Variants in DNAH6 observed in about 807,000 individuals in gnomAD.
DNAH6 encodes the protein dynein axonemal heavy chain 6.
In DNAH6, 340 loss-of-function variants were observed where a neutral mutation model predicts 491.4. The ratio of observed to expected loss-of-function variants is 0.69; its 90% CI spans 0.63 to 0.76. The LOEUF is 0.76. DNAH6 is among the 30% of genes least tolerant of loss of function. DNAH6 has a pLI of 0.00. For synonymous variants in DNAH6, 1,603 were observed against 1,686.1 expected (o/e 0.95, Z 1.21); for missense variants, 4,443 against 4,972.2 (o/e 0.89, Z 3.20).
At chr2:84,552,854 TTTTTA>T (rs1420033134) in intron 9 of DNAH6, 59 bp from the exon 10 acceptor site, 1 of 919,626 alleles carries the variant, frequency 1.1e-6, no homozygotes, top group Admixed American at 2.7e-5. Flanking sequence ...GTCCCTTGTT[TTTTTA>T]TTTTGTTTTA....
intron 54 of DNAH6, 128 bp from the exon 55 acceptor site, chr2:84,709,215 A>G: frequency 1.1e-6 from 1 of 897,146 alleles, no homozygotes; most frequent in Non-Finnish European, 1.7e-6. Context: ...TGATGCAAGC[A>G]CATCTGTGGA....
intron 11 of DNAH6, among the ~76,000 whole-genome samples, chr2:84,571,917 CAAAAAGAAA>C (rs767939511): frequency 1.7e-4 from 25 of 148,746 alleles, no homozygotes; most frequent in South Asian, 2.1e-4. Context: ...GACTCTGTCT[CAAAAAGAAA>C]AAAAAGAAAA....
At chr2:84,488,669 G>A in the DNAH6 span, among the ~76,000 whole-genome samples, 1 of 151,936 alleles carries the variant, frequency 6.6e-6, no homozygotes, top group African/African-American at 2.4e-5. Flanking sequence ...ATTACATTGG[G>A]CCCGCCTGAA....
rs1220264092 is a variant in DNAH6 at position 84,547,585 on chromosome 2, G to A, written c.1159G>A (p.Asp387Asn). The change falls in exon 7 of 77, where the codon GAT (aspartate) becomes AAT (asparagine). Residue 387 changes from aspartate to asparagine, a missense_variant. This residue lies in a region of DNAH6 where 2,977 missense variants were observed against 3,296.6 expected (regional missense o/e 0.90). Transcript: ENST00000389394. Reference protein sequence around the residue: ...FALRAAGFVPDDCAFGPFEDY... With the variant: ...FALRAAGFVPNDCAFGPFEDY... ...TTTGCGTGCTGCAGGATTTGTTCCT[G>A]ATGACTGTGCATTTGGACCTTTTGA... The A allele has an allele frequency of 1.1e-5, 17 of 1,551,904 alleles. No individual in the cohort carries two copies. Among genetic ancestry groups the A allele is most frequent in the Non-Finnish European group, 1.5e-5 (17 of 1,146,984 alleles).
At chr2:84,743,001 T>A (rs1232588028) in intron 62 of DNAH6, among the ~76,000 whole-genome samples, 1 of 152,090 alleles carries the variant, frequency 6.6e-6, no homozygotes, top group Non-Finnish European at 1.5e-5. Flanking sequence ...TAGTCTTTTG[T>A]CCCCCACTAG....
intron 40 of DNAH6, among the ~76,000 whole-genome samples, chr2:84,673,112 C>T (rs1382828857): frequency 6.6e-6 from 1 of 152,082 alleles, no homozygotes; most frequent in East Asian, 1.9e-4. Flanking sequence ...TGGGAGAAGC[C>T]TCCCAGAAGT....
At position 84,604,565 on chromosome 2, in the gene DNAH6, A is replaced by G. The variant is rs1036730592; in HGVS notation, c.3081+14A>G. ...ATTCTTAAAAAGGTAAATCTGGAATATATATTTATCTATATACCATTAGGG... is the reference window on the plus strand; with the variant it reads ...ATTCTTAAAAAGGTAAATCTGGAATGTATATTTATCTATATACCATTAGGG... On this transcript the variant is annotated intron_variant, in intron 19 of 76. Transcript: ENST00000389394. 1.2e-5 allele frequency: 19 copies of G among 1,539,426 alleles called. No homozygotes were observed. Among genetic ancestry groups the G allele is most frequent in the Non-Finnish European group, 1.5e-5 (17 of 1,136,712 alleles).
chr2:84,510,688 T>C, the DNAH6 span, among the ~76,000 whole-genome samples: 1 of 151,744 alleles, frequency 6.6e-6, no homozygotes, highest in Middle Eastern at 3.4e-3. Flanking sequence ...CTCTGTTTTT[T>C]CCCCATCTTT....
Position 84,699,744 on chromosome 2 carries a change from ATCC to A in DNAH6, c.7818+11_7818+13del. 14 of 1,548,848 alleles carry A rather than the reference ATCC, an allele frequency of 9.0e-6. No homozygotes were observed. Among genetic ancestry groups the A allele is most frequent in the Non-Finnish European group, 1.2e-5 (14 of 1,145,644 alleles). ...TGACTGGTTTGTGCAGGTTGGTGAC[ATCC>A]CAGGATATCTCTTTGAGAAGTTGGA... is the stretch of plus-strand genomic sequence containing the variant. On this transcript the variant is annotated intron_variant, in intron 48 of 76. Coordinates refer to ENST00000389394, the MANE Select transcript of DNAH6 (RefSeq NM_001370.2).
intron 62 of DNAH6, among the ~76,000 whole-genome samples, chr2:84,737,906 T>G (rs1699649468): frequency 1.3e-5 from 2 of 152,076 alleles, no homozygotes; most frequent in African/African-American, 4.8e-5. Context: ...TCTATTTCCT[T>G]TAGGTACAAG....
chr2:84,637,259 G>A lies in DNAH6; in HGVS notation c.4703G>A (p.Cys1568Tyr). 1 of 1,551,186 alleles carries A rather than the reference G, an allele frequency of 6.4e-7. No homozygotes were observed. Among genetic ancestry groups the A allele is most frequent in the South Asian group, 1.2e-5 (1 of 83,946 alleles). The stretch of plus-strand genomic sequence containing the variant: ...CGGGAAATAAAGTTGGTGATGACTT[G>A]TGCAGCCTTCATCACAATGAATCCT... ...EGREIKLVMT[C>Y]AAFITMNPGY... Residue 1568 changes from cysteine to tyrosine, a missense_variant, in exon 31 of 77, where the codon TGT becomes TAT. Transcript: ENST00000389394.
chr2:84,497,122 C>A, the DNAH6 span, among the ~76,000 whole-genome samples: 1 of 152,066 alleles, frequency 6.6e-6, no homozygotes, highest in Non-Finnish European at 1.5e-5. Context: ...AGGTGCGCAC[C>A]ACCATGCTCA....
At chr2:84,641,356 C>T (rs577654971) in intron 32 of DNAH6, among the ~76,000 whole-genome samples, 47 of 152,228 alleles carry the variant, frequency 3.1e-4, no homozygotes, top group African/African-American at 1.1e-3. Context: ...TATAGTATGT[C>T]CCCTCTTTAC....
At position 84,779,130 on chromosome 2, in the gene DNAH6, G is replaced by A. The variant is rs113307906; in HGVS notation, c.10704-2363G>A. Among the ~76,000 whole-genome samples the A allele has an allele frequency of 2.4e-4, 36 of 152,274 alleles. 1 individual carries two copies. The highest frequency in any genetic ancestry group is 7.9e-4 in the African/African-American group (33 of 41,558). Reference sequence around the variant, plus strand: ...GTATATTCTGTGGTTGATGGGTGGAGTATTCTGTAGATAGATCTTAGATCC... The same window carrying A: ...GTATATTCTGTGGTTGATGGGTGGAATATTCTGTAGATAGATCTTAGATCC... On this transcript the variant is annotated intron_variant, in intron 64 of 76. Coordinates refer to ENST00000389394, the MANE Select transcript of DNAH6 (RefSeq NM_001370.2).
chr2:84,560,619 C>A (rs1680565300), intron 11 of DNAH6, among the ~76,000 whole-genome samples: 1 of 151,530 alleles, frequency 6.6e-6, no homozygotes, highest in African/African-American at 2.4e-5. Flanking sequence ...CTTCCCCCAC[C>A]CCACAACAGT....
At chr2:84,526,200 T>C (rs1429966501) in intron 3 of DNAH6, among the ~76,000 whole-genome samples, 1 of 152,008 alleles carries the variant, frequency 6.6e-6, no homozygotes, top group African/African-American at 2.4e-5. Context: ...AGAGCTTGCC[T>C]TTAAATGAAT....
intron 11 of DNAH6, among the ~76,000 whole-genome samples, chr2:84,559,678 A>G (rs569269122): frequency 1.3e-5 from 2 of 152,254 alleles, no homozygotes; most frequent in East Asian, 3.9e-4. Flanking sequence ...AAATCACCCA[A>G]TCCCTGAGCT....
At chr2:84,505,324 C>A in the DNAH6 span, among the ~76,000 whole-genome samples, 28 of 151,998 alleles carry the variant, frequency 1.8e-4, no homozygotes, top group Non-Finnish European at 3.1e-4. Context: ...CCTTTCCAAC[C>A]TGGATACATT....
intron 63 of DNAH6, among the ~76,000 whole-genome samples, chr2:84,753,873 G>A (rs537840123): frequency 2.3e-4 from 33 of 146,244 alleles, no homozygotes; most frequent in East Asian, 6.0e-4. Flanking sequence ...TCGCCAGGCC[G>A]GAGTGCAGTG....
Sources: allele counts gnomAD v4.1 joint callset (sites outside exome capture counted in the v4.1 genomes callset), GRCh38; gene constraint gnomAD v4.1.1; regional missense constraint gnomAD v4.1.1; transcripts MANE v1.5; gene names NCBI Gene and HGNC (gene_info 2026-07-23, HGNC 2026-07-21).